Variants in DOK5 observed in about 807,000 individuals in gnomAD.
DOK5 encodes downstream of tyrosine kinase 5.
DOK5 carries 27 observed loss-of-function variants against 43.3 expected under a neutral mutation model. That is an observed-to-expected ratio of 0.62 (90% CI 0.46 to 0.86). DOK5 has a LOEUF of 0.86. Ranked by LOEUF, DOK5 falls within the 40% of genes least tolerant of loss-of-function variation. The pLI is 0.00. For missense variants in DOK5, 373 were observed against 392.9 expected (o/e 0.95, Z 0.43); for synonymous variants, 146 against 140.1 (o/e 1.04, Z -0.30).
At chr20:54,595,271 C>T (rs1568801814) in intron 5 of DOK5, among the ~76,000 whole-genome samples, 3 of 152,026 alleles carry the variant, frequency 2.0e-5, no homozygotes, top group South Asian at 2.1e-4. Flanking sequence ...ACCCGGGAGG[C>T]GGAGCTTGCA....
chr20:54,565,210 C>T (rs1233206537), intron 2 of DOK5, among the ~76,000 whole-genome samples: 1 of 152,098 alleles, frequency 6.6e-6, no homozygotes, highest in East Asian at 1.9e-4. Flanking sequence ...TTTTTCCTAT[C>T]CATACATACC....
At chr20:54,481,779 TCA>T (rs1471407961) in intron 1 of DOK5, among the ~76,000 whole-genome samples, 2 of 152,226 alleles carry the variant, frequency 1.3e-5, no homozygotes, top group African/African-American at 4.8e-5. Context: ...AAATCCCAAC[TCA>T]CTGGCTGGTT....
intron 2 of DOK5, among the ~76,000 whole-genome samples, chr20:54,564,177 A>G (rs1021449805): frequency 6.6e-6 from 1 of 152,306 alleles, no homozygotes; most frequent in East Asian, 1.9e-4. Context: ...TAATCCCAGC[A>G]CTTTGGGAGG....
chr20:54,526,378 T>C (rs999798426), intron 1 of DOK5, among the ~76,000 whole-genome samples: 42 of 152,130 alleles, frequency 2.8e-4, no homozygotes, highest in African/African-American at 1.0e-3. Context: ...AGCTAGTGAA[T>C]ATTCAGGAAA....
chr20:54,624,433 A>G (rs1437613193), intron 6 of DOK5, among the ~76,000 whole-genome samples: 1 of 152,222 alleles, frequency 6.6e-6, no homozygotes, highest in Non-Finnish European at 1.5e-5. Context: ...TGGGTGTGTA[A>G]TAAGCTCAGG....
At chr20:54,636,233 A>T (rs185921177) in intron 6 of DOK5, among the ~76,000 whole-genome samples, 3 of 152,350 alleles carry the variant, frequency 2.0e-5, no homozygotes, top group Admixed American at 6.5e-5. Context: ...TTTAAGAGAA[A>T]TTTAGTTTAT....
chr20:54,539,054 G>A (rs1348542931), intron 1 of DOK5, among the ~76,000 whole-genome samples: 8 of 152,030 alleles, frequency 5.3e-5, no homozygotes, highest in Middle Eastern at 3.2e-3. Flanking sequence ...AGGCCAAGGC[G>A]GGCAGATCAC....
At chr20:54,578,845 A>C (rs1319612113) in intron 2 of DOK5, among the ~76,000 whole-genome samples, 1 of 152,226 alleles carries the variant, frequency 6.6e-6, no homozygotes, top group African/African-American at 2.4e-5. Context: ...TGAAATGGGC[A>C]AAAAAGCACA....
chr20:54,505,468 G>A (rs542362877), intron 1 of DOK5, among the ~76,000 whole-genome samples: 26 of 152,090 alleles, frequency 1.7e-4, no homozygotes, highest in Admixed American at 6.6e-5. Context: ...ATGTTTATGG[G>A]CTGCTATATT....
chr20:54,540,304 T>A (rs1194110924), intron 1 of DOK5, among the ~76,000 whole-genome samples: 1 of 152,202 alleles, frequency 6.6e-6, no homozygotes, highest in African/African-American at 2.4e-5. Context: ...GTAAAGTTTC[T>A]GGACTTTGCT....
In DOK5 at chr20:54,639,009, A is replaced by C. The variant is rs530723527; in HGVS notation, c.736-4449A>C. Among the ~76,000 whole-genome samples the C allele has an allele frequency of 1.4e-4, 21 of 152,264 alleles. No homozygotes were observed. The South Asian group carries it at 4.4e-3, about 32-fold the overall frequency. Reference sequence around the variant, plus strand: ...CCACTTCTATATTGCCACTGAGCTCAGATGTATTTGAAAAATTGGAAATTC... The same window carrying C: ...CCACTTCTATATTGCCACTGAGCTCCGATGTATTTGAAAAATTGGAAATTC... On this transcript the variant is annotated intron_variant, in intron 6 of 7. Transcript: ENST00000262593.
At chr20:54,530,674 C>T (rs1034373852) in intron 1 of DOK5, among the ~76,000 whole-genome samples, 9 of 152,162 alleles carry the variant, frequency 5.9e-5, no homozygotes, top group African/African-American at 1.2e-4. Context: ...TGCACCCCAT[C>T]GGGTAGTTGG....
intron 6 of DOK5, among the ~76,000 whole-genome samples, chr20:54,622,781 G>A (rs1304804408): frequency 6.6e-6 from 1 of 152,138 alleles, no homozygotes; most frequent in South Asian, 2.1e-4. Context: ...CGTGTGGGCG[G>A]TGGTGAGTAA....
intron 5 of DOK5, among the ~76,000 whole-genome samples, chr20:54,594,926 C>T (rs188890381): frequency 1.5e-4 from 23 of 152,168 alleles, no homozygotes; most frequent in East Asian, 3.9e-4. Flanking sequence ...TAAAAGACCT[C>T]GATATTTCTC....
At position 54,650,779 on chromosome 20, in the gene DOK5, C is replaced by T. The variant is rs1979660372; in HGVS notation, c.*300C>T. ...GATTTTCTATTGTAGATACTTTGTC[C>T]CTTGCACTTCTCTGAATCTGTCCTT... On this transcript the variant is annotated 3_prime_UTR_variant, in exon 8 of 8. Transcript: ENST00000262593. The T allele has an allele frequency of 8.1e-6, 2 of 247,520 alleles. No individual in the cohort carries two copies. The highest frequency in any genetic ancestry group is 1.2e-3 in the Middle Eastern group (1 of 812). The allele number at this position is 247,520 out of a possible 1,614,324, so 15.3% of individuals were successfully genotyped here. A position where few individuals can be genotyped will look rare whatever the true frequency, so the allele number is the denominator to read the frequency against.
At chr20:54,601,848 C>A (rs185001970) in intron 5 of DOK5, among the ~76,000 whole-genome samples, 27 of 152,340 alleles carry the variant, frequency 1.8e-4, no homozygotes, top group African/African-American at 5.8e-4. Flanking sequence ...ATTTTTGCAT[C>A]CTAGTTTTTC....
chr20:54,577,162 A>T (rs1343631029), intron 2 of DOK5, among the ~76,000 whole-genome samples: 1 of 152,194 alleles, frequency 6.6e-6, no homozygotes, highest in Non-Finnish European at 1.5e-5. Flanking sequence ...AATTATAATT[A>T]AGTTACTTCT....
At chr20:54,483,857 C>A (rs898121688) in intron 1 of DOK5, among the ~76,000 whole-genome samples, 9 of 152,154 alleles carry the variant, frequency 5.9e-5, no homozygotes, top group African/African-American at 2.2e-4. Flanking sequence ...GTGGGGGCTG[C>A]CTTTATTTCA....
At chr20:54,641,581 C>CA (rs77670828) in intron 6 of DOK5, among the ~76,000 whole-genome samples, 6 of 58,328 alleles carry the variant, frequency 1.0e-4, no homozygotes, top group African/African-American at 2.0e-4. Flanking sequence ...TCATCATCAT[C>CA]TCCATCTCCA....
Sources: allele counts gnomAD v4.1 joint callset (sites outside exome capture counted in the v4.1 genomes callset), GRCh38; gene constraint gnomAD v4.1.1; transcripts MANE v1.5; gene names NCBI Gene and HGNC (gene_info 2026-07-23, HGNC 2026-07-21).